The following THADA variants were observed in gnomAD, a reference collection of about 807,000 sequenced individuals.
THADA encodes the protein THADA armadillo repeat containing, also known as tRNA (32-2'-O)-methyltransferase regulator THADA.
A neutral mutation model predicts 219.8 loss-of-function variants in THADA; 213 were observed. The observed-to-expected ratio is 0.97, with a 90% CI of 0.87 to 1.09. THADA has a LOEUF of 1.09. Among genes scored for constraint, THADA ranks in the 50% least tolerant of loss-of-function variants. THADA has a pLI of 0.00. For synonymous variants in THADA, 1,018 were observed against 828.9 expected, an observed-to-expected ratio of 1.23 and a Z score of -3.92; for missense variants, 2,956 against 2,311.3, an observed-to-expected ratio of 1.28 and a Z score of -5.72.
At chr2:43,322,217 T>C (rs1678798208) in intron 30 of THADA, among the ~76,000 whole-genome samples, 1 of 151,910 alleles carries the variant, frequency 6.6e-6, no homozygotes, top group Non-Finnish European at 1.5e-5. Flanking sequence ...AAGAGTGTGC[T>C]GGTGGTCCAG....
chr2:43,437,926 T>C (rs946567810), intron 26 of THADA, among the ~76,000 whole-genome samples: 1 of 151,832 alleles, frequency 6.6e-6, no homozygotes, highest in Non-Finnish European at 1.5e-5. Flanking sequence ...ACAAATAATA[T>C]AAAAATGGAC....
chr2:43,425,202 C>G (rs1245774226), intron 28 of THADA, among the ~76,000 whole-genome samples: 1 of 152,116 alleles, frequency 6.6e-6, no homozygotes, highest in African/African-American at 2.4e-5. Flanking sequence ...CCTCAATTTC[C>G]TCAACGGGCA....
intron 29 of THADA, among the ~76,000 whole-genome samples, chr2:43,351,441 T>A: frequency 6.6e-6 from 1 of 152,168 alleles, no homozygotes; most frequent in East Asian, 1.9e-4. Context: ...ATTAATAAAG[T>A]AAGGCCCAGC....
intron 21 of THADA, among the ~76,000 whole-genome samples, chr2:43,536,901 G>C (rs1190164949): frequency 6.6e-6 from 1 of 152,116 alleles, no homozygotes; most frequent in Non-Finnish European, 1.5e-5. Context: ...GTTTATCAGA[G>C]TACCTGGCAA....
At chr2:43,335,400 C>T (rs1666300707) in intron 30 of THADA, among the ~76,000 whole-genome samples, 1 of 152,154 alleles carries the variant, frequency 6.6e-6, no homozygotes, top group Admixed American at 6.5e-5. Flanking sequence ...ATAAATCCTC[C>T]AGCCTCTGTG....
intron 21 of THADA, among the ~76,000 whole-genome samples, chr2:43,532,237 C>A (rs1192241908): frequency 6.6e-6 from 1 of 151,502 alleles, no homozygotes; most frequent in South Asian, 2.1e-4. Context: ...CACAGTAAAA[C>A]CCCCGTCTCT....
chr2:43,362,615 G>A (rs1341975210), intron 29 of THADA, among the ~76,000 whole-genome samples: 2 of 152,164 alleles, frequency 1.3e-5, no homozygotes, highest in Non-Finnish European at 2.9e-5. Flanking sequence ...GAGTGAATGT[G>A]AAGGCCTAGG....
At chr2:43,302,112 C>T (rs994592337) in intron 31 of THADA, among the ~76,000 whole-genome samples, 3 of 152,058 alleles carry the variant, frequency 2.0e-5, no homozygotes, top group Admixed American at 6.6e-5. Flanking sequence ...AAGTGATCCT[C>T]CCACATCTGC....
chr2:43,431,649 T>TGGAGA (rs1558750565), intron 26 of THADA, among the ~76,000 whole-genome samples: 3 of 35,936 alleles, frequency 8.3e-5, no homozygotes, highest in African/African-American at 3.0e-4. Context: ...GTACTTTTTT[T>TGGAGA]TTTTTTTTTT....
At chr2:43,518,382 G>A (rs576903762) in intron 22 of THADA, among the ~76,000 whole-genome samples, 4 of 152,224 alleles carry the variant, frequency 2.6e-5, no homozygotes, top group South Asian at 4.1e-4. Context: ...CCTGTAACAC[G>A]TACAAACACA....
chr2:43,515,585 A>T (rs1353929182), intron 22 of THADA, among the ~76,000 whole-genome samples: 1 of 150,190 alleles, frequency 6.7e-6, no homozygotes, highest in Non-Finnish European at 1.5e-5. Flanking sequence ...CAAAATTGTG[A>T]TTAATAAAAA....
chr2:43,320,825 T>C (rs1044013763), intron 30 of THADA, among the ~76,000 whole-genome samples: 5 of 152,064 alleles, frequency 3.3e-5, no homozygotes, highest in African/African-American at 1.2e-4. Context: ...AACACCAAGA[T>C]CCTATCTTAG....
rs569663323 is a variant in THADA at position 43,267,261 on chromosome 2, G to A, written c.5296+12504C>T. ...AAAAAATGATTTGGATACATGTAAA[G>A]GAAGGTCTGTTGATTTTAGGTGGCC... is the stretch of plus-strand genomic sequence containing the variant. On this transcript the variant is annotated intron_variant, in intron 36 of 37. Transcript: ENST00000405975. Among the ~76,000 whole-genome samples the A allele has an allele frequency of 2.6e-5, 4 of 152,358 alleles. No individual in the cohort carries two copies. The East Asian group carries it at 7.7e-4, about 29-fold the overall frequency.
chr2:43,347,608 T>A (rs562866549), intron 29 of THADA, among the ~76,000 whole-genome samples: 66 of 152,272 alleles, frequency 4.3e-4, no homozygotes, highest in Non-Finnish European at 8.1e-4. Context: ...ATGCACCACA[T>A]AAATACAAGA....
At chr2:43,279,093 G>A (rs1160177804) in intron 36 of THADA, among the ~76,000 whole-genome samples, 2 of 152,084 alleles carry the variant, frequency 1.3e-5, no homozygotes, top group Non-Finnish European at 2.9e-5. Flanking sequence ...CTTTCATCCA[G>A]CAGCCCATTT....
intron 7 of THADA, among the ~76,000 whole-genome samples, chr2:43,584,366 G>T (rs1195527382): frequency 6.6e-6 from 1 of 152,022 alleles, no homozygotes; most frequent in Non-Finnish European, 1.5e-5. Flanking sequence ...ATAGGTGGTG[G>T]CTGACACCAA....
chr2:43,432,474 T>C (rs922288730), intron 26 of THADA, among the ~76,000 whole-genome samples: 17 of 151,806 alleles, frequency 1.1e-4, no homozygotes, highest in African/African-American at 4.1e-4. Flanking sequence ...TTTTTTTTTT[T>C]ACTATTATGA....
At chr2:43,594,798 G>A (rs1190731962) in intron 1 of THADA, among the ~76,000 whole-genome samples, 1 of 151,970 alleles carries the variant, frequency 6.6e-6, no homozygotes, top group Non-Finnish European at 1.5e-5. Flanking sequence ...CCACATCTTT[G>A]CAAGACTGAC....
chr2:43,262,177 G>A (rs892902862), intron 36 of THADA, among the ~76,000 whole-genome samples: 3 of 152,174 alleles, frequency 2.0e-5, no homozygotes, highest in Non-Finnish European at 4.4e-5. Context: ...AAAACATTAT[G>A]TTTCTTTGCA....
Sources: allele counts gnomAD v4.1 joint callset (sites outside exome capture counted in the v4.1 genomes callset), GRCh38; gene constraint gnomAD v4.1.1; transcripts MANE v1.5; gene names NCBI Gene and HGNC (gene_info 2026-07-23, HGNC 2026-07-21).